The following ABCC9 variants were observed in gnomAD, a reference collection of about 807,000 sequenced individuals.
ABCC9 encodes ATP-binding cassette sub-family C member 9.
A neutral mutation model predicts 188.3 loss-of-function variants in ABCC9; 95 were observed. That is an observed-to-expected ratio of 0.50 (90% CI 0.43 to 0.60). ABCC9 has a LOEUF of 0.60. ABCC9 is among the 20% of genes least tolerant of loss of function. The probability of loss-of-function intolerance (pLI) is 0.00; values close to 1 mark genes in which losing one functional copy is unlikely to be tolerated. For missense variants in ABCC9, 1,102 were observed against 1,876.3 expected (o/e 0.59, Z 7.62); for synonymous variants, 659 against 652.7 (o/e 1.01, Z -0.15).
Position 21,910,832 on chromosome 12 carries a change from A to G in ABCC9, c.1158T>C (p.Ala386=). 2 of 1,611,392 alleles carry G rather than the reference A, an allele frequency of 1.2e-6. No homozygotes were observed. The highest frequency in any genetic ancestry group is 1.1e-5 in the South Asian group (1 of 91,032). The change falls in exon 9 of 40, where the codon GCT becomes GCC. Residue 386 remains alanine, a synonymous_variant. Coordinates refer to ENST00000261200, the MANE Select transcript of ABCC9 (RefSeq NM_020297.4). ...TIETGINLRG[A]LLAMIYNKIL... ...ATTCACAGCCTTTACATACCAGCAG[A>G]GCTCCACGGAGGTTAATGCCAGTCT...
chr12:21,904,124 A>G (rs1201825432), intron 12 of ABCC9, among the ~76,000 whole-genome samples: 1 of 152,094 alleles, frequency 6.6e-6, no homozygotes, highest in African/African-American at 2.4e-5. Flanking sequence ...AAATAATACC[A>G]CACATCTGCA....
At chr12:21,861,247 T>TG (rs1945493741) in intron 20 of ABCC9, among the ~76,000 whole-genome samples, 192 bp from the exon 21 acceptor site, 1 of 151,642 alleles carries the variant, frequency 6.6e-6, no homozygotes, top group African/African-American at 2.4e-5. Context: ...TTTTTTTTTT[T>TG]GAAGACAGAG....
intron 3 of ABCC9, 143 bp downstream of exon 3, chr12:21,936,390 A>G (rs1949488152): frequency 1.3e-6 from 1 of 776,656 alleles, no homozygotes; most frequent in Admixed American, 2.9e-5. Flanking sequence ...ATATGTTTGA[A>G]AAACACAAAA....
chr12:21,807,248 T>C, intron 38 of ABCC9, 98 bp downstream of exon 38: 1 of 1,514,858 alleles, frequency 6.6e-7, no homozygotes, highest in Non-Finnish European at 9.1e-7. Context: ...AAAACAATAG[T>C]ACTGAGGATT....
chr12:21,900,751 G>C (rs959637210), intron 12 of ABCC9, among the ~76,000 whole-genome samples: 5 of 152,064 alleles, frequency 3.3e-5, no homozygotes, highest in Non-Finnish European at 7.4e-5. Flanking sequence ...GAGAACTTTA[G>C]AGAAAAAAGA....
At position 21,844,571 on chromosome 12, in the gene ABCC9, G is replaced by A. The variant is rs990938656; in HGVS notation, c.3246-19C>T. 1 of 1,609,502 alleles carries A rather than the reference G, an allele frequency of 6.2e-7. No homozygotes were observed. Among genetic ancestry groups the A allele is most frequent in the African/African-American group, 1.3e-5 (1 of 74,820 alleles). On this transcript the variant is annotated intron_variant, in intron 27 of 39. Transcript: ENST00000261200. ...AAAAAACCTAGGCAATAAACAGATG[G>A]AAGTATATGATAATACTAAACTATT...
chr12:21,820,627 T>C (rs1427251289), intron 31 of ABCC9, among the ~76,000 whole-genome samples: 2 of 152,096 alleles, frequency 1.3e-5, no homozygotes, highest in African/African-American at 4.8e-5. Context: ...TTCCTGCTCC[T>C]TCACTGTACT....
chr12:21,822,694 G>T (rs1943120721), intron 31 of ABCC9, among the ~76,000 whole-genome samples: 1 of 151,352 alleles, frequency 6.6e-6, no homozygotes, highest in South Asian at 2.1e-4. Context: ...GGGAGGCTGA[G>T]GCAGAAGAAT....
chr12:21,822,956 G>C (rs1943145302), intron 31 of ABCC9, among the ~76,000 whole-genome samples: 1 of 152,130 alleles, frequency 6.6e-6, no homozygotes, highest in South Asian at 2.1e-4. Flanking sequence ...ACTAAGAAAG[G>C]AGAAGCAGAT....
intron 16 of ABCC9, among the ~76,000 whole-genome samples, chr12:21,881,982 GATTATGAAGTGGCTATTGTGGTAAGGT>G (rs897607098): frequency 6.6e-6 from 1 of 152,166 alleles, no homozygotes; most frequent in Non-Finnish European, 1.5e-5. Context: ...TGTTTGTTCT[GATTATGAAGTGGCTATTGTGGTAAGGT>G]ATTGTGTCAG....
chr12:21,936,748 C>A (rs888029664), intron 2 of ABCC9, 54 bp from the exon 3 acceptor site: 1 of 1,358,300 alleles, frequency 7.4e-7, no homozygotes, highest in South Asian at 1.2e-5. Flanking sequence ...AACTCTTGTT[C>A]ATAAAATTAT....
Position 21,910,223 on chromosome 12 carries a change from G to T in ABCC9, c.1254C>A (p.Ala418=). ...MTLGQINNLV[A]IETNQLMWFL... The stretch of plus-strand genomic sequence containing the variant: ...ACCACATGAGTTGATTAGTTTCAAT[G>T]GCGACTAAGTTGTTGATCTGCCCCA... The change falls in exon 10 of 40, where the codon GCC becomes GCA. Residue 418 remains alanine, a synonymous_variant. Coordinates refer to ENST00000261200, the MANE Select transcript of ABCC9 (RefSeq NM_020297.4). 6.2e-7 allele frequency: 1 copy of T among 1,611,476 alleles called. No individual in the cohort carries two copies. The highest frequency in any genetic ancestry group is 8.5e-7 in the Non-Finnish European group (1 of 1,178,304).
chr12:21,828,845 T>C, intron 31 of ABCC9, 113 bp downstream of exon 31: 1 of 852,062 alleles, frequency 1.2e-6, no homozygotes, highest in South Asian at 1.3e-5. Flanking sequence ...GTCCAGAAAA[T>C]GTGAAGCTAG....
rs548724414 is a variant in ABCC9 at position 21,832,058 on chromosome 12, A to G, written c.3567-2998T>C. 1.4e-4 allele frequency among the ~76,000 whole-genome samples: 21 copies of G among 152,256 alleles called. No individual in the cohort carries two copies. In the South Asian group the frequency reaches 4.3e-3, roughly 32 times the overall value. On this transcript the variant is annotated intron_variant, in intron 30 of 39. Coordinates refer to ENST00000261200, the MANE Select transcript of ABCC9 (RefSeq NM_020297.4). ...GTGAACATTCTTTCTGCGTGTTTCT[A>G]TTTGGCAAGAAACCTTCTGTTTTCC...
intron 18 of ABCC9, among the ~76,000 whole-genome samples, chr12:21,866,394 C>T (rs1945784847): frequency 6.6e-6 from 1 of 152,134 alleles, no homozygotes; most frequent in East Asian, 1.9e-4. Context: ...AAATCCTTTG[C>T]CAACCTCACA....
intron 36 of ABCC9, among the ~76,000 whole-genome samples, chr12:21,810,521 T>C (rs1311676280): frequency 6.6e-6 from 1 of 152,088 alleles, no homozygotes; most frequent in Non-Finnish European, 1.5e-5. Flanking sequence ...AACATGTCCT[T>C]CTTCACATGG....
chr12:21,857,370 A>G (rs1417719229), intron 22 of ABCC9, among the ~76,000 whole-genome samples: 1 of 152,160 alleles, frequency 6.6e-6, no homozygotes, highest in Non-Finnish European at 1.5e-5. Context: ...TGAACTATAT[A>G]TATATATTTT....
chr12:21,826,573 C>A (rs73070690), intron 31 of ABCC9, among the ~76,000 whole-genome samples: 1 of 152,154 alleles, frequency 6.6e-6, no homozygotes, highest in African/African-American at 2.4e-5. Flanking sequence ...TTTAAATACA[C>A]CTGGTTCCAA....
At chr12:21,870,091 A>G (rs80000339) in intron 18 of ABCC9, among the ~76,000 whole-genome samples, 409 of 152,262 alleles carry the variant, frequency 2.7e-3, no homozygotes, top group African/African-American at 9.6e-3. Context: ...AAACCTTCAC[A>G]TAACATTTAT....
Sources: allele counts gnomAD v4.1 joint callset (sites outside exome capture counted in the v4.1 genomes callset), GRCh38; gene constraint gnomAD v4.1.1; transcripts MANE v1.5; gene names NCBI Gene and HGNC (gene_info 2026-07-23, HGNC 2026-07-21).